Variants in ABCA1 observed in about 807,000 individuals in gnomAD.
ABCA1 encodes the protein ATP binding cassette subfamily A member 1, also known as phospholipid-transporting ATPase ABCA1.
A neutral mutation model predicts 262.5 loss-of-function variants in ABCA1; 133 were observed. The observed-to-expected ratio is 0.51, with a 90% CI of 0.44 to 0.59. The LOEUF (loss-of-function observed/expected upper bound fraction) is 0.59, where lower values mean the gene tolerates loss of function less well. ABCA1 is among the 20% of genes least tolerant of loss of function. The probability of loss-of-function intolerance (pLI) is 0.00; values close to 1 mark genes in which losing one functional copy is unlikely to be tolerated. For synonymous variants in ABCA1, 1,022 were observed against 1,043.5 expected (o/e 0.98, Z 0.40); for missense variants, 2,452 against 2,777.5 (o/e 0.88, Z 2.63).
At chr9:104,795,524 G>A (rs898007959) in intron 39 of ABCA1, among the ~76,000 whole-genome samples, 7 of 152,226 alleles carry the variant, frequency 4.6e-5, no homozygotes, top group Non-Finnish European at 7.3e-5. Flanking sequence ...TAGTGCCACT[G>A]AGTGTGACAG....
chr9:104,806,132 C>A, intron 31 of ABCA1, 109 bp downstream of exon 31: 1 of 1,201,082 alleles, frequency 8.3e-7, no homozygotes, highest in South Asian at 1.4e-5. Context: ...ACAAAAAAGA[C>A]TGAAACAGAC....
intron 2 of ABCA1, among the ~76,000 whole-genome samples, chr9:104,891,484 T>C (rs1839741317): frequency 6.6e-6 from 1 of 151,988 alleles, no homozygotes; most frequent in African/African-American, 2.4e-5. Context: ...TAATCCCAGC[T>C]ACTTGGGAGG....
chr9:104,883,187 C>CT, intron 4 of ABCA1, 30 bp from the exon 5 acceptor site: 4 of 1,586,044 alleles, frequency 2.5e-6, no homozygotes, highest in Non-Finnish European at 3.5e-6. Flanking sequence ...AGGCGAAAGG[C>CT]TTTAGCTAGG....
Position 104,782,352 on chromosome 9 carries a change from T to G in ABCA1, c.*1963A>C, listed in dbSNP as rs1828592883. ...AGTGGGTTATATAATATTCTGTAAA[T>G]TTAAAAAATATAGAAAGATTAATTT... On this transcript the variant is annotated 3_prime_UTR_variant, in exon 50 of 50. Transcript: ENST00000374736. 1 of 152,108 alleles carries G rather than the reference T, an allele frequency of 6.6e-6. No homozygotes were observed. The allele number at this position is 152,108 out of a possible 1,614,324, so 9.4% of individuals were successfully genotyped here.
At chr9:104,913,896 C>A (rs1171342124) in intron 1 of ABCA1, among the ~76,000 whole-genome samples, 3 of 152,180 alleles carry the variant, frequency 2.0e-5, no homozygotes, top group East Asian at 3.9e-4. Flanking sequence ...CCCGGCTTCA[C>A]GCCATTCTCC....
At chr9:104,872,795 T>C (rs1006817172) in intron 5 of ABCA1, among the ~76,000 whole-genome samples, 7 of 152,214 alleles carry the variant, frequency 4.6e-5, no homozygotes, top group Non-Finnish European at 1.0e-4. Context: ...ATAAACCTTA[T>C]GCTGGAAAAG....
chr9:104,820,458 G>A (rs1832222285), intron 20 of ABCA1, among the ~76,000 whole-genome samples: 1 of 152,070 alleles, frequency 6.6e-6, no homozygotes, highest in Non-Finnish European at 1.5e-5. Context: ...GGGGACCTCA[G>A]GCTCTGAAAG....
chr9:104,852,388 T>C (rs1345024254), intron 7 of ABCA1, among the ~76,000 whole-genome samples: 1 of 152,234 alleles, frequency 6.6e-6, no homozygotes, highest in Non-Finnish European at 1.5e-5. Flanking sequence ...TTTTAAAAAA[T>C]AAATCAACAA....
Position 104,810,849 on chromosome 9 carries a change from T to C in ABCA1, c.4126A>G (p.Ser1376Gly), listed in dbSNP as rs145689805. The C allele has an allele frequency of 4.5e-5, 72 of 1,614,080 alleles. No homozygotes were observed. The African/African-American group carries it at 7.9e-4, about 18-fold the overall frequency. ...TACATCCAGGGCTGAAGTTCCAGGC[T>C]GGGGTACTTGCCAAAGGGTGGCACG... ...LIVPPFGKYPSLELQPWMYNE... is the reference protein window; with the variant it reads ...LIVPPFGKYPGLELQPWMYNE... The change falls in exon 29 of 50, where the codon AGC becomes GGC. Residue 1376 changes from serine to glycine, a missense_variant. By Grantham distance (56) the Ser-to-Gly change is moderately conservative (BLOSUM62 0). This residue lies in a region of ABCA1 where 665 missense variants were observed against 727.3 expected (regional missense o/e 0.91). Coordinates refer to ENST00000374736, the MANE Select transcript of ABCA1 (RefSeq NM_005502.4).
intron 5 of ABCA1, among the ~76,000 whole-genome samples, chr9:104,864,639 C>A (rs149918576): frequency 6.6e-6 from 1 of 152,176 alleles, no homozygotes; most frequent in South Asian, 2.1e-4. Flanking sequence ...ATTAGCTAAC[C>A]CTCACTGACT....
At chr9:104,892,774 A>G (rs529650312) in intron 2 of ABCA1, among the ~76,000 whole-genome samples, 33 of 152,368 alleles carry the variant, frequency 2.2e-4, no homozygotes, top group Non-Finnish European at 3.4e-4. Flanking sequence ...TTGCCCAATT[A>G]CTATTCCTGG....
At chr9:104,887,390 A>G (rs1431267296) in intron 3 of ABCA1, among the ~76,000 whole-genome samples, 1 of 152,232 alleles carries the variant, frequency 6.6e-6, no homozygotes, top group Non-Finnish European at 1.5e-5. Context: ...AGAGGAATCT[A>G]GGTTAAAACT....
chr9:104,788,211 CGTGTG>C (rs1461776975), intron 45 of ABCA1, among the ~76,000 whole-genome samples, 157 bp from the exon 46 acceptor site: 2 of 152,204 alleles, frequency 1.3e-5, no homozygotes, highest in African/African-American at 4.8e-5. Flanking sequence ...AGAAGGGACT[CGTGTG>C]GTGGGAGCAG....
intron 20 of ABCA1, among the ~76,000 whole-genome samples, chr9:104,820,763 C>CT (rs1554713236): frequency 1.3e-5 from 2 of 151,944 alleles, no homozygotes; most frequent in African/African-American, 2.4e-5. Flanking sequence ...AGGAGGGTGG[C>CT]GGGGGAGAGG....
At position 104,868,215 on chromosome 9, in the gene ABCA1, C is replaced by T. The variant is rs543803472; in HGVS notation, c.422-6415G>A. 6.6e-5 allele frequency among the ~76,000 whole-genome samples: 10 copies of T among 152,170 alleles called. No individual in the cohort carries two copies. The South Asian group carries it at 1.0e-3, about 16-fold the overall frequency. On this transcript the variant is annotated intron_variant, in intron 5 of 49. Coordinates refer to ENST00000374736, the MANE Select transcript of ABCA1 (RefSeq NM_005502.4). ...TCTCTACTAAAAATACAAAATTAGC[C>T]GGGTGTGGTGGCGCATGCCTGTAAT...
chr9:104,882,349 C>G (rs1238152110), intron 5 of ABCA1, among the ~76,000 whole-genome samples: 1 of 152,208 alleles, frequency 6.6e-6, no homozygotes, highest in Non-Finnish European at 1.5e-5. Context: ...CATGCACATG[C>G]CATTACTGGC....
chr9:104,902,320 G>A (rs1840730835), intron 2 of ABCA1, among the ~76,000 whole-genome samples: 1 of 152,148 alleles, frequency 6.6e-6, no homozygotes, highest in African/African-American at 2.4e-5. Context: ...TATAATTGTA[G>A]CAAACTCATG....
chr9:104,807,845 TACACAC>T (rs60348262), intron 30 of ABCA1, among the ~76,000 whole-genome samples: 1,573 of 48,350 alleles, frequency 0.033, 33 homozygotes, highest in African/African-American at 0.063. Context: ...TATATATATA[TACACAC>T]ACACACACAC....
rs1832008201 is a variant in ABCA1, at chr9:104,818,773, G to GA, written c.3351dup (p.Leu1118SerfsTer29). 1 of 1,614,036 alleles carries GA rather than the reference G, an allele frequency of 6.2e-7. No individual in the cohort carries two copies. The highest frequency in any genetic ancestry group is 8.5e-7 in the Non-Finnish European group (1 of 1,180,026). ...TAGCCTGTTCCCAGCTGGTTCTTCA[G>GA]AAACAGGGAGGAGCCCACACAGCAC... is the stretch of plus-strand genomic sequence containing the variant. On this transcript the variant is annotated frameshift_variant, in exon 23 of 50. Coordinates refer to ENST00000374736, the MANE Select transcript of ABCA1 (RefSeq NM_005502.4). LOFTEE classifies it high-confidence loss of function.
Sources: gnomAD v4.1 joint callset for allele counts (sites outside exome capture counted in the v4.1 genomes callset) on GRCh38, gnomAD v4.1.1 for gene constraint, gnomAD v4.1.1 regional missense constraint, MANE v1.5 for transcripts, NCBI Gene and HGNC (gene_info 2026-07-23, HGNC 2026-07-21) for gene names.